ADGRL2: variants seen among roughly 807,000 people sequenced by gnomAD.
ADGRL2 encodes the protein calcium-independent alpha-latrotoxin receptor 2.
ADGRL2 carries 44 observed loss-of-function variants against 157.4 expected under a neutral mutation model. The observed-to-expected ratio is 0.28, with a 90% CI of 0.22 to 0.36. The LOEUF (loss-of-function observed/expected upper bound fraction) is 0.36, where lower values mean the gene tolerates loss of function less well. Ranked by LOEUF, ADGRL2 falls within the 10% of genes least tolerant of loss-of-function variation. The pLI is 1.00. For missense variants in ADGRL2, 1,510 were observed against 1,768.9 expected (o/e 0.85, Z 2.63); for synonymous variants, 585 against 624.7 (o/e 0.94, Z 0.95).
chr1:81,789,781 C>G (rs946157233), intron 2 of ADGRL2, among the ~76,000 whole-genome samples: 13 of 151,070 alleles, frequency 8.6e-5, no homozygotes, highest in African/African-American at 3.2e-4. Flanking sequence ...AGCAAAAAAT[C>G]CAAACATCTC....
chr1:81,729,121 A>G (rs1414888696), intron 1 of ADGRL2, among the ~76,000 whole-genome samples: 2 of 149,984 alleles, frequency 1.3e-5, no homozygotes, highest in Non-Finnish European at 3.0e-5. Context: ...TTATATAATA[A>G]TTTATTAATC....
At chr1:81,595,618 G>C (rs1219487441) in intron 3 of ADGRL2, among the ~76,000 whole-genome samples, 7 of 152,132 alleles carry the variant, frequency 4.6e-5, no homozygotes, top group Admixed American at 4.6e-4. Context: ...TAACATTTAA[G>C]AAAATTACAA....
intron 1 of ADGRL2, among the ~76,000 whole-genome samples, chr1:81,707,265 A>C (rs780106706): frequency 1.3e-5 from 2 of 152,134 alleles, no homozygotes; most frequent in Admixed American, 6.6e-5. Context: ...CATAAATCAC[A>C]ATCAGGCTCT....
At chr1:81,754,093 T>C (rs1005990873) in intron 1 of ADGRL2, among the ~76,000 whole-genome samples, 1 of 152,118 alleles carries the variant, frequency 6.6e-6, no homozygotes, top group African/African-American at 2.4e-5. Context: ...TGATCTGTCA[T>C]GGTGGTGTGC....
At chr1:81,681,852 C>T (rs896911465) in intron 3 of ADGRL2, among the ~76,000 whole-genome samples, 6 of 152,152 alleles carry the variant, frequency 3.9e-5, no homozygotes, top group African/African-American at 1.4e-4. Context: ...GATTTTAACA[C>T]GTCTTTAACA....
At chr1:81,590,493 A>T (rs1373699996) in intron 3 of ADGRL2, among the ~76,000 whole-genome samples, 2 of 151,962 alleles carry the variant, frequency 1.3e-5, no homozygotes, top group Non-Finnish European at 2.9e-5. Flanking sequence ...GGCCCCTGTT[A>T]ATCAGGAATC....
chr1:81,924,783 T>C (rs1442494282), intron 3 of ADGRL2, among the ~76,000 whole-genome samples: 2 of 152,134 alleles, frequency 1.3e-5, no homozygotes, highest in Admixed American at 1.3e-4. Flanking sequence ...TCTCAACTTC[T>C]ATTTCTAATC....
chr1:81,596,678 T>G (rs927204622), intron 3 of ADGRL2, among the ~76,000 whole-genome samples: 1 of 151,404 alleles, frequency 6.6e-6, no homozygotes, highest in Middle Eastern at 3.4e-3. Flanking sequence ...CCCTAGATTT[T>G]ACTTTTTTTT....
At chr1:81,473,235 T>C (rs539473534) in intron 2 of ADGRL2, among the ~76,000 whole-genome samples, 1 of 152,240 alleles carries the variant, frequency 6.6e-6, no homozygotes, top group South Asian at 2.1e-4. Flanking sequence ...GTCTCACAGT[T>C]TTGGCAGAGG....
At chr1:81,937,203 G>A (rs989700347) in intron 4 of ADGRL2, among the ~76,000 whole-genome samples, 3 of 151,834 alleles carry the variant, frequency 2.0e-5, no homozygotes, top group African/African-American at 4.8e-5. Context: ...AGTTTTAATC[G>A]TGAGCTACTT....
At chr1:81,712,471 T>G (rs766878941) in intron 1 of ADGRL2, among the ~76,000 whole-genome samples, 5 of 152,222 alleles carry the variant, frequency 3.3e-5, no homozygotes, top group African/African-American at 7.2e-5. Context: ...CTTACAGATA[T>G]GATTACATTT....
chr1:81,959,609 T>G (rs958236185), intron 11 of ADGRL2, among the ~76,000 whole-genome samples: 1 of 152,140 alleles, frequency 6.6e-6, no homozygotes, highest in Admixed American at 6.5e-5. Flanking sequence ...CCTATCATGA[T>G]TACTGTAAGA....
chr1:81,942,865 C>T (rs2148951717), intron 5 of ADGRL2, 104 bp from the exon 6 acceptor site: 1 of 838,100 alleles, frequency 1.2e-6, no homozygotes, highest in Non-Finnish European at 2.0e-6. Context: ...AAATTGAATG[C>T]TAATAATATG....
Position 81,828,028 on chromosome 1 carries a change from G to A in ADGRL2, c.-100-8857G>A, listed in dbSNP as rs574410984. Among the ~76,000 whole-genome samples, 20 of 152,278 alleles carry A rather than the reference G, an allele frequency of 1.3e-4. No homozygotes were observed. In the East Asian group the frequency reaches 3.9e-3, roughly 29 times the overall value. ...ACATGAATAGTTATTAGTTCATTAT[G>A]TGACTGAACTGCATCCAGTTATCTT... On this transcript the variant is annotated intron_variant, in intron 1 of 23. Transcript: ENST00000686636.
chr1:81,884,423 G>A (rs975955567), intron 2 of ADGRL2, among the ~76,000 whole-genome samples: 2 of 152,090 alleles, frequency 1.3e-5, no homozygotes, highest in Admixed American at 6.5e-5. Flanking sequence ...TAAACTAAAC[G>A]TCTACCAGAC....
intron 3 of ADGRL2, among the ~76,000 whole-genome samples, chr1:81,663,612 G>T (rs566824006): frequency 6.6e-6 from 1 of 152,112 alleles, no homozygotes; most frequent in Non-Finnish European, 1.5e-5. Flanking sequence ...AGTGTGTGCT[G>T]GTCCAGTTCT....
intron 1 of ADGRL2, among the ~76,000 whole-genome samples, chr1:81,751,361 G>C (rs1308219928): frequency 6.6e-6 from 1 of 152,154 alleles, no homozygotes; most frequent in African/African-American, 2.4e-5. Flanking sequence ...CATGAGTAAT[G>C]TGCCACCTGA....
intron 2 of ADGRL2, among the ~76,000 whole-genome samples, chr1:81,856,917 T>C (rs2093223600): frequency 1.3e-5 from 2 of 152,176 alleles, no homozygotes; most frequent in Admixed American, 6.6e-5. Flanking sequence ...ATAATAAACA[T>C]GAGTAAAGTT....
intron 2 of ADGRL2, among the ~76,000 whole-genome samples, chr1:81,554,897 C>T (rs1157442697): frequency 6.6e-6 from 1 of 151,966 alleles, no homozygotes; most frequent in Admixed American, 6.6e-5. Context: ...ATGTCTGATT[C>T]TTACAGGTGT....
Sources: allele counts gnomAD v4.1 joint callset (sites outside exome capture counted in the v4.1 genomes callset), GRCh38; gene constraint gnomAD v4.1.1; transcripts MANE v1.5; gene names NCBI Gene and HGNC (gene_info 2026-07-23, HGNC 2026-07-21).